The following RAB9B variants were observed in gnomAD, a reference collection of about 807,000 sequenced individuals.
The protein encoded by RAB9B is ras-related protein Rab-9B.
RAB9B carries 1 observed loss-of-function variant against 8.9 expected under a neutral mutation model. The observed-to-expected ratio is 0.11, with a 90% CI of 0.04 to 0.53. RAB9B has a LOEUF of 0.53. Among genes scored for constraint, RAB9B ranks in the 20% least tolerant of loss-of-function variants. RAB9B has a pLI of 0.93. For missense variants in RAB9B, 82 were observed against 152.9 expected, an observed-to-expected ratio of 0.54 and a Z score of 2.45; for synonymous variants, 63 against 57.0, an observed-to-expected ratio of 1.10 and a Z score of -0.47.
the RAB9B span, among the ~76,000 whole-genome samples, chrX:103,811,227 T>A: frequency 0.018 from 2,016 of 112,015 alleles, 43 homozygotes; most frequent in African/African-American, 0.063. Flanking sequence ...TACTCAAGCA[T>A]TGGGTGGAAT....
the RAB9B span, among the ~76,000 whole-genome samples, chrX:103,809,154 C>T: frequency 1.8e-5 from 2 of 111,556 alleles, no homozygotes; most frequent in African/African-American, 6.5e-5. Flanking sequence ...AGCATGATTT[C>T]TCTCTCTCTG....
chrX:103,787,693 C>A, the RAB9B span: 11 of 684,181 alleles, frequency 1.6e-5, no homozygotes, highest in Non-Finnish European at 2.6e-5. Context: ...AGCCCTGGAA[C>A]CTGGTTTTAA....
the RAB9B span, among the ~76,000 whole-genome samples, chrX:103,813,151 C>T: frequency 1.8e-5 from 2 of 109,470 alleles, no homozygotes; most frequent in African/African-American, 6.7e-5. Flanking sequence ...TCGATCTCCT[C>T]ATCTTGTGAT....
At chrX:103,794,148 G>A in the RAB9B span, among the ~76,000 whole-genome samples, 2 of 111,629 alleles carry the variant, frequency 1.8e-5, no homozygotes, top group African/African-American at 6.5e-5. Context: ...GGTCTTCCAC[G>A]GTAAACTGGA....
At chrX:103,785,859 A>T in the RAB9B span, 1 of 871,272 alleles carries the variant, frequency 1.1e-6, no homozygotes, top group South Asian at 2.0e-5. Flanking sequence ...AGTAACTAGC[A>T]GGGGACTGGG....
chrX:103,808,992 T>C, the RAB9B span, among the ~76,000 whole-genome samples: 1 of 112,960 alleles, frequency 8.9e-6, no homozygotes, highest in Non-Finnish European at 1.9e-5. Context: ...ATGGAATGAA[T>C]GCTAGTGAAA....
At chrX:103,800,709 C>T in the RAB9B span, among the ~76,000 whole-genome samples, 2 of 111,800 alleles carry the variant, frequency 1.8e-5, no homozygotes, top group African/African-American at 3.2e-5. Context: ...GCGTGAGAGA[C>T]CTTGTCTGGC....
At chrX:103,785,566 CCTT>C in the RAB9B span, 3 of 1,202,236 alleles carry the variant, frequency 2.5e-6, no homozygotes, top group Non-Finnish European at 2.3e-6. Flanking sequence ...GACTGTTTCC[CCTT>C]CTTCTTCCCC....
the RAB9B span, among the ~76,000 whole-genome samples, chrX:103,816,399 C>A: frequency 9.0e-6 from 1 of 111,519 alleles, no homozygotes. Flanking sequence ...TGAAACTAGA[C>A]CCCTTCCTTA....
the RAB9B span, among the ~76,000 whole-genome samples, chrX:103,808,662 C>G: frequency 0.012 from 1,369 of 112,930 alleles, 8 homozygotes; most frequent in Middle Eastern, 0.037. Context: ...TGATTCTGTA[C>G]ACAGCAGCTG....
In RAB9B at chrX:103,825,290, A is replaced by G. The variant is rs143179342; in HGVS notation, c.495T>C (p.Phe165=). The change falls in exon 3 of 3, where the codon TTT becomes TTC. Residue 165 remains phenylalanine (F), a synonymous_variant. Transcript: ENST00000243298. The part of the protein sequence containing the change: ...AKDDTNVTVA[F]EEAVRQVLAV... ...CCAGCACCTGCCTGACAGCTTCTTC[A>G]AAGGCCACTGTCACATTAGTATCAT... The G allele has an allele frequency of 5.6e-4, 679 of 1,209,649 alleles. 2 individuals are homozygous for G. In the African/African-American group the frequency reaches 0.011, roughly 19 times the overall value.
At chrX:103,831,974 C>G (rs1031038000) in intron 1 of RAB9B, 86 bp downstream of exon 1, 11 of 112,176 alleles carry the variant, frequency 9.8e-5, no homozygotes, top group African/African-American at 2.9e-4. Context: ...TTTCCTTTCT[C>G]CCTCTTCTCA....
the RAB9B span, among the ~76,000 whole-genome samples, chrX:103,804,133 T>C: frequency 8.9e-6 from 1 of 112,423 alleles, no homozygotes; most frequent in Non-Finnish European, 1.9e-5. Flanking sequence ...GTTTTAACAC[T>C]TACCTTTACA....
At chrX:103,812,789 C>T in the RAB9B span, among the ~76,000 whole-genome samples, 1 of 110,810 alleles carries the variant, frequency 9.0e-6, no homozygotes, top group Non-Finnish European at 1.9e-5. Context: ...TTGCTTAAAA[C>T]CAAACCTTTC....
chrX:103,782,289 A>C, the RAB9B span, among the ~76,000 whole-genome samples: 1 of 112,522 alleles, frequency 8.9e-6, no homozygotes, highest in Non-Finnish European at 1.9e-5. Flanking sequence ...CATTTATTTC[A>C]GACTTTACAT....
downstream of RAB9B, among the ~76,000 whole-genome samples, chrX:103,818,872 C>T (rs992971145): frequency 1.3e-4 from 14 of 110,664 alleles, no homozygotes; most frequent in Non-Finnish European, 2.3e-4. Flanking sequence ...CATTTTTCTA[C>T]GGTGGATGTG....
At chrX:103,788,042 A>G in the RAB9B span, 7 of 826,964 alleles carry the variant, frequency 8.5e-6, no homozygotes, top group Non-Finnish European at 1.3e-5. Context: ...TTCTTAGTGT[A>G]AGGAGGGTGG....
chrX:103,817,896 C>T (rs1261131543), downstream of RAB9B, among the ~76,000 whole-genome samples: 2 of 111,137 alleles, frequency 1.8e-5, no homozygotes, highest in African/African-American at 3.3e-5. Flanking sequence ...AAAGTAGTCT[C>T]GAGTATAATC....
chrX:103,803,164 T>C, the RAB9B span, among the ~76,000 whole-genome samples: 1 of 112,343 alleles, frequency 8.9e-6, no homozygotes, highest in East Asian at 2.8e-4. Context: ...CAAACATTCC[T>C]GTACAAGTTT....
Sources: allele counts gnomAD v4.1 joint callset (sites outside exome capture counted in the v4.1 genomes callset), GRCh38; gene constraint gnomAD v4.1.1; transcripts MANE v1.5; gene names NCBI Gene and HGNC (gene_info 2026-07-23, HGNC 2026-07-21).